ANXA11: variants seen among roughly 807,000 people sequenced by gnomAD.
The protein encoded by ANXA11 is annexin A11.
A neutral mutation model predicts 64.7 loss-of-function variants in ANXA11; 57 were observed. The ratio of observed to expected loss-of-function variants is 0.88; its 90% confidence interval spans 0.71 to 1.10. The LOEUF is 1.10. Among genes scored for constraint, ANXA11 ranks in the 50% least tolerant of loss-of-function variants. The pLI, the probability that ANXA11 is intolerant of heterozygous loss-of-function variation, is 0.00. For synonymous variants in ANXA11, 260 were observed against 265.2 expected, an observed-to-expected ratio of 0.98 and a Z score of 0.19; for missense variants, 675 against 670.7, an observed-to-expected ratio of 1.01 and a Z score of -0.07.
chr10:80,156,391 G>A (rs1380601933), intron 15 of ANXA11: 1 of 472,546 alleles, frequency 2.1e-6, no homozygotes, highest in Non-Finnish European at 4.4e-6. Context: ...AAGAGTGCAG[G>A]CTCGGCTTGG....
At chr10:80,194,581 C>T (rs554797021) in intron 1 of ANXA11, among the ~76,000 whole-genome samples, 1 of 152,066 alleles carries the variant, frequency 6.6e-6, no homozygotes, top group Non-Finnish European at 1.5e-5. Flanking sequence ...AGCATAGGGG[C>T]GTCTGAGAAA....
chr10:80,188,625 A>AC (rs1181336380), intron 1 of ANXA11, among the ~76,000 whole-genome samples: 1 of 150,930 alleles, frequency 6.6e-6, no homozygotes, highest in African/African-American at 2.4e-5. Context: ...TTGCTGTGTG[A>AC]CCCCCCTGGG....
At chr10:80,182,564 T>A (rs1270657654) in intron 1 of ANXA11, among the ~76,000 whole-genome samples, 2 of 152,190 alleles carry the variant, frequency 1.3e-5, no homozygotes, top group African/African-American at 2.4e-5. Flanking sequence ...CTGGGATACA[T>A]GTGCAGAACA....
chr10:80,159,306 G>A lies in ANXA11; in HGVS notation c.1181-111C>T. 1.3e-5 allele frequency: 11 copies of A among 821,450 alleles called. 1 individual carries two copies. In the South Asian group the frequency reaches 1.7e-4, roughly 12 times the overall value. 50.9% of individuals were successfully genotyped at this position (821,450 alleles called of 1,614,324 possible). A position where few individuals can be genotyped will look rare whatever the true frequency, so the allele number is the denominator to read the frequency against. On this transcript the variant is annotated intron_variant, in intron 12 of 15. Transcript: ENST00000422982. ...AGAATATAACCGTGTTTGGAGATAAGATCTTTAAAGAGGTAATTAAGTTAA... is the reference window on the plus strand; with the variant it reads ...AGAATATAACCGTGTTTGGAGATAAAATCTTTAAAGAGGTAATTAAGTTAA...
intron 8 of ANXA11, among the ~76,000 whole-genome samples, chr10:80,164,807 C>G (rs1472861458): frequency 6.6e-6 from 1 of 152,190 alleles, no homozygotes; most frequent in African/African-American, 2.4e-5. Flanking sequence ...ACCTACCTCA[C>G]AGGAAAGTCA....
At chr10:80,165,101 T>C (rs1360611868) in intron 8 of ANXA11, among the ~76,000 whole-genome samples, 1 of 152,182 alleles carries the variant, frequency 6.6e-6, no homozygotes, top group African/African-American at 2.4e-5. Context: ...CAGGGAGATG[T>C]CTGGGTCCAC....
chr10:80,184,703 C>T (rs1846478372), intron 1 of ANXA11, among the ~76,000 whole-genome samples: 1 of 152,150 alleles, frequency 6.6e-6, no homozygotes, highest in Non-Finnish European at 1.5e-5. Flanking sequence ...AGAGTATGAG[C>T]TTGGAATGCT....
intron 13 of ANXA11, among the ~76,000 whole-genome samples, chr10:80,158,370 G>A (rs918059661): frequency 1.1e-4 from 16 of 152,144 alleles, no homozygotes; most frequent in African/African-American, 3.4e-4. Context: ...CAGGCAGGAG[G>A]GGCAGACTGG....
At chr10:80,184,001 C>T (rs1239422418) in intron 1 of ANXA11, among the ~76,000 whole-genome samples, 3 of 152,096 alleles carry the variant, frequency 2.0e-5, no homozygotes, top group South Asian at 2.1e-4. Context: ...ATCACAGAGG[C>T]GGTGATTAAT....
At chr10:80,179,192 G>A (rs769099270) in intron 1 of ANXA11, among the ~76,000 whole-genome samples, 5 of 152,074 alleles carry the variant, frequency 3.3e-5, no homozygotes, top group African/African-American at 4.8e-5. Context: ...AGCGTGTAGC[G>A]CCTCCTCCCC....
At chr10:80,171,826 A>C in intron 3 of ANXA11, 1 of 985,514 alleles carries the variant, frequency 1.0e-6, no homozygotes, top group Non-Finnish European at 1.2e-6. Context: ...CAGTGGCAGG[A>C]TCTGGATGGC....
chr10:80,155,839 CCA>C lies in ANXA11; in HGVS notation c.*12_*13del. ...TTGCCGGCAGGTGGGCAGAAGTGAG[CCA>C]CCAGTCACTGTTCAGTCATTGCCAC... is the stretch of plus-strand genomic sequence containing the variant. On this transcript the variant is annotated 3_prime_UTR_variant, in exon 16 of 16. Coordinates refer to ENST00000422982, the MANE Select transcript of ANXA11 (RefSeq NM_145868.2). 1 of 1,613,794 alleles carries C rather than the reference CCA, an allele frequency of 6.2e-7. No individual in the cohort carries two copies. The highest frequency in any genetic ancestry group is 8.5e-7 in the Non-Finnish European group (1 of 1,179,688).
At chr10:80,157,830 C>G (rs537007303) in intron 14 of ANXA11, 67 bp from the exon 15 acceptor site, 2 of 1,590,900 alleles carry the variant, frequency 1.3e-6, no homozygotes, top group South Asian at 2.3e-5. Flanking sequence ...CCTGGGCCCT[C>G]CAGTCCCCTC....
At chr10:80,185,289 G>A in intron 1 of ANXA11, among the ~76,000 whole-genome samples, 1 of 152,216 alleles carries the variant, frequency 6.6e-6, no homozygotes. Flanking sequence ...TCACTTAGAA[G>A]CAGATAGAGT....
chr10:80,167,013 G>A (rs748981818), intron 6 of ANXA11, 29 bp from the exon 7 acceptor site: 6 of 1,516,706 alleles, frequency 4.0e-6, no homozygotes, highest in African/African-American at 1.4e-5. Context: ...GGGGTGGGTC[G>A]GGTAGGGGTC....
Position 80,157,969 on chromosome 10 carries a change from T to C in ANXA11, c.1333A>G (p.Arg445Gly). 6.2e-7 allele frequency: 1 copy of C among 1,613,936 alleles called. No individual in the cohort carries two copies. Among genetic ancestry groups the C allele is most frequent in the Non-Finnish European group, 8.5e-7 (1 of 1,179,840 alleles). The change falls in exon 14 of 16, where the codon AGG becomes GGG. Residue 445 changes from arginine (R) to glycine (G), a missense_variant and splice_region_variant. Physicochemically the swap from Arg to Gly is moderately radical, Grantham distance 125 (BLOSUM62 -2). Coordinates refer to ENST00000422982, the MANE Select transcript of ANXA11 (RefSeq NM_145868.2). ...FFAERLNKAM[R>G]GAGTKDRTLI... is the part of the protein sequence containing the mutation. ...ACCTGCACATGGAAGTTACATACCC[T>C]CATGGCCTTGTTGAGCCTCTCCGCA...
rs187875386 is a variant in ANXA11, at chr10:80,199,233, G to T, written c.-58+6110C>A. ...CTGCCTCAGCCTCCCGAGTAGCTGGGACTATAGGCGCCCGCTACCACGCCT... is the reference window on the plus strand; with the variant it reads ...CTGCCTCAGCCTCCCGAGTAGCTGGTACTATAGGCGCCCGCTACCACGCCT... On this transcript the variant is annotated intron_variant, in intron 1 of 15. Coordinates refer to ENST00000422982, the MANE Select transcript of ANXA11 (RefSeq NM_145868.2). Among the ~76,000 whole-genome samples, 790 of 152,004 alleles carry T rather than the reference G, an allele frequency of 5.2e-3. 4 individuals are homozygous for T. The highest frequency in any genetic ancestry group is 0.018 in the African/African-American group (735 of 41,436).
At position 80,166,083 on chromosome 10, in the gene ANXA11, C is replaced by A; in HGVS notation, c.858+1G>T. The stretch of plus-strand genomic sequence containing the variant: ...ACACACACACACACACACGTACACA[C>A]CTTGATGGCTTCCTTTATCTCATAA... On this transcript the variant is annotated splice_donor_variant, in intron 8 of 15. Coordinates refer to ENST00000422982, the MANE Select transcript of ANXA11 (RefSeq NM_145868.2). LOFTEE classifies it high-confidence loss of function. The A allele has an allele frequency of 6.4e-7, 1 of 1,552,594 alleles. No homozygotes were observed. The highest frequency in any genetic ancestry group is 8.9e-7 in the Non-Finnish European group (1 of 1,126,934).
chr10:80,162,876 C>G (rs1225574313), intron 11 of ANXA11, among the ~76,000 whole-genome samples: 1 of 152,130 alleles, frequency 6.6e-6, no homozygotes, highest in Non-Finnish European at 1.5e-5. Context: ...AGCTCAGATG[C>G]CTGGACTTTG....
Sources: allele counts gnomAD v4.1 joint callset (sites outside exome capture counted in the v4.1 genomes callset), GRCh38; gene constraint gnomAD v4.1.1; transcripts MANE v1.5; gene names NCBI Gene and HGNC (gene_info 2026-07-23, HGNC 2026-07-21).